Variants in CDC16 observed in about 807,000 individuals in gnomAD.
CDC16 encodes cell division cycle protein 16 homolog.
Under a neutral mutation model 87.0 loss-of-function variants are expected in CDC16, and 34 were observed. That is an observed-to-expected ratio of 0.39 (90% confidence interval 0.30 to 0.52). CDC16 has a LOEUF of 0.52. CDC16 is among the 20% of genes least tolerant of loss of function. The probability of loss-of-function intolerance (pLI) is 0.74; values close to 1 mark genes in which losing one functional copy is unlikely to be tolerated. For missense variants in CDC16, 653 were observed against 751.9 expected (o/e 0.87, Z 1.54); for synonymous variants, 263 against 260.6 (o/e 1.01, Z -0.09).
chr13:114,244,867 TA>T, intron 8 of CDC16, 22 bp from the exon 9 acceptor site: 1 of 1,555,294 alleles, frequency 6.4e-7, no homozygotes, highest in Non-Finnish European at 8.9e-7. Flanking sequence ...TTGGGGGTAG[TA>T]ATGTGTCGCT....
At position 114,257,160 on chromosome 13, in the gene CDC16, G is replaced by C. The variant is rs1374135881; in HGVS notation, c.1180G>C (p.Ala394Pro). ...SKLAERFFSQ[A>P]LSIAPEDPFV... ...ACTAGCTGAAAGGTTCTTCAGCCAA[G>C]CTCTGAGCATTGCACCGGAAGACCC... is the stretch of plus-strand genomic sequence containing the variant. The change falls in exon 13 of 18, where the codon GCT (alanine) becomes CCT (proline). Residue 394 changes from alanine (A) to proline (P), a missense_variant. By Grantham distance (27) the Ala-to-Pro change is conservative. Coordinates refer to ENST00000356221, the MANE Select transcript of CDC16 (RefSeq NM_001078645.3). 2 of 1,613,434 alleles carry C rather than the reference G, an allele frequency of 1.2e-6. No homozygotes were observed. Among genetic ancestry groups the C allele is most frequent in the South Asian group, 2.2e-5 (2 of 91,022 alleles).
chr13:114,252,099 G>A lies in CDC16; in HGVS notation c.1097+1425G>A, dbSNP rs969310873. On this transcript the variant is annotated intron_variant, in intron 12 of 17. Transcript: ENST00000356221. ...CTTACACTAGCCCTGTTGGATAAGA[G>A]CCCTACACTAGCCCTGTTGGATAAG... 4.6e-5 allele frequency among the ~76,000 whole-genome samples: 7 copies of A among 150,786 alleles called. No homozygotes were observed. The East Asian group carries it at 1.2e-3, about 26-fold the overall frequency.
At chr13:114,255,973 G>T (rs2082472258) in intron 12 of CDC16, among the ~76,000 whole-genome samples, 1 of 152,228 alleles carries the variant, frequency 6.6e-6, no homozygotes, top group South Asian at 2.1e-4. Flanking sequence ...GTTCCCTGTG[G>T]GGTGTTTGAG....
chr13:114,241,442 G>A (rs1165040162), intron 5 of CDC16, among the ~76,000 whole-genome samples: 7 of 152,210 alleles, frequency 4.6e-5, no homozygotes, highest in Non-Finnish European at 1.0e-4. Flanking sequence ...TGCTCATTAA[G>A]ATCCTTTTGA....
intron 1 of CDC16, 75 bp from the exon 2 acceptor site, chr13:114,236,567 TATA>T (rs2081260898): frequency 2.1e-5 from 25 of 1,186,150 alleles, no homozygotes; most frequent in South Asian, 3.7e-5. Flanking sequence ...TACATAGAAT[TATA>T]ATAATATTAG....
rs1383395286 is a variant in CDC16 at position 114,259,406 on chromosome 13, T to G, written c.1314+8T>G. The G allele has an allele frequency of 6.6e-7, 1 of 1,513,266 alleles. No homozygotes were observed. The highest frequency in any genetic ancestry group is 8.9e-7 in the Non-Finnish European group (1 of 1,123,946). The allele number at this position is 1,513,266 out of a possible 1,614,324, so 93.7% of individuals were successfully genotyped here. ...AAAGCAATTGGGAACGAGGTATTCT[T>G]TGTAGTACCTGTAAATATACACATA... On this transcript the variant is annotated splice_region_variant and intron_variant, in intron 14 of 17. Coordinates refer to ENST00000356221, the MANE Select transcript of CDC16 (RefSeq NM_001078645.3).
In CDC16 at chr13:114,254,825, G is replaced by T. The variant is rs536680663; in HGVS notation, c.1098-2253G>T. ...GTTCAGGCCATGATGGGAAGTGGGGGTCCAACACTCCTCTTTACGCCCTCC... is the reference window on the plus strand; with the variant it reads ...GTTCAGGCCATGATGGGAAGTGGGGTTCCAACACTCCTCTTTACGCCCTCC... On this transcript the variant is annotated intron_variant, in intron 12 of 17. Transcript: ENST00000356221. Among the ~76,000 whole-genome samples, 320 of 152,260 alleles carry T rather than the reference G, an allele frequency of 2.1e-3. 2 individuals are homozygous for T. Among genetic ancestry groups the T allele is most frequent in the African/African-American group, 7.3e-3 (305 of 41,536 alleles).
At chr13:114,253,765 T>G (rs2082336786) in intron 12 of CDC16, among the ~76,000 whole-genome samples, 1 of 152,140 alleles carries the variant, frequency 6.6e-6, no homozygotes, top group Non-Finnish European at 1.5e-5. Flanking sequence ...TATTTGAGAA[T>G]TCTGCTCTTG....
chr13:114,266,843 CCA>C (rs1164669282), intron 17 of CDC16, among the ~76,000 whole-genome samples: 1 of 151,954 alleles, frequency 6.6e-6, no homozygotes, highest in Non-Finnish European at 1.5e-5. Flanking sequence ...CTACAGGCAC[CCA>C]TCACCACGCC....
intron 3 of CDC16, among the ~76,000 whole-genome samples, chr13:114,237,687 G>A (rs1016614886): frequency 6.6e-6 from 1 of 152,096 alleles, no homozygotes; most frequent in Admixed American, 6.5e-5. Flanking sequence ...AAATTCTGAA[G>A]ACTGTTTTCT....
chr13:114,257,210 G>A lies in CDC16; in HGVS notation c.1230G>A (p.Val410=). The part of the protein sequence containing the change: ...EDPFVMHEVG[V]VAFQNGEWKT... ...CTTTTGTTATGCATGAGGTCGGCGT[G>A]GTTGCATTTCAGAATGGAGAGTAAG... Residue 410 remains valine (V), a synonymous_variant, in exon 13 of 18, where the codon GTG becomes GTA. Transcript: ENST00000356221. 6.2e-7 allele frequency: 1 copy of A among 1,609,858 alleles called. No homozygotes were observed. Among genetic ancestry groups the A allele is most frequent in the Non-Finnish European group, 8.5e-7 (1 of 1,176,928 alleles).
At chr13:114,265,276 C>A in intron 17 of CDC16, 36 bp downstream of exon 17, 1 of 1,324,360 alleles carries the variant, frequency 7.6e-7, no homozygotes, top group South Asian at 1.2e-5. Flanking sequence ...TATTGTACTC[C>A]ATTTTTTAGG....
intron 14 of CDC16, 59 bp from the exon 15 acceptor site, chr13:114,261,828 A>G: frequency 9.6e-6 from 12 of 1,245,166 alleles, no homozygotes; most frequent in Non-Finnish European, 1.4e-5. Flanking sequence ...TTCAGTGCAA[A>G]CAAATCAGGC....
intron 17 of CDC16, among the ~76,000 whole-genome samples, chr13:114,271,483 CTTTT>C (rs17291626): frequency 6.6e-6 from 1 of 150,532 alleles, no homozygotes; most frequent in Non-Finnish European, 1.5e-5. Flanking sequence ...CAGCACAGTT[CTTTT>C]TTTTTGAGAT....
chr13:114,250,822 T>G, intron 12 of CDC16, 148 bp downstream of exon 12: 1 of 828,334 alleles, frequency 1.2e-6, no homozygotes, highest in South Asian at 1.8e-5. Flanking sequence ...GATTGTAAAA[T>G]AACTATGAAA....
intron 6 of CDC16, 40 bp from the exon 7 acceptor site, chr13:114,243,217 A>G (rs756285781): frequency 1.1e-6 from 1 of 913,840 alleles, no homozygotes; most frequent in South Asian, 1.4e-5. Context: ...CCCTCTATAA[A>G]TATTATGAGG....
chr13:114,261,209 G>C (rs953537992), intron 14 of CDC16, among the ~76,000 whole-genome samples: 20 of 152,092 alleles, frequency 1.3e-4, no homozygotes, highest in Admixed American at 6.5e-5. Flanking sequence ...TCAAGGAGTG[G>C]GTCAGGAGGG....
intron 12 of CDC16, among the ~76,000 whole-genome samples, chr13:114,254,781 A>C (rs2082397561): frequency 6.6e-6 from 1 of 152,208 alleles, no homozygotes; most frequent in Admixed American, 6.5e-5. Context: ...GGGCCGTCTA[A>C]ATTTAACCTG....
At chr13:114,253,085 T>C (rs2082286622) in intron 12 of CDC16, among the ~76,000 whole-genome samples, 1 of 152,106 alleles carries the variant, frequency 6.6e-6, no homozygotes, top group East Asian at 1.9e-4. Context: ...GGGTGACCAG[T>C]TGAGATACAT....
Sources: allele counts gnomAD v4.1 joint callset (sites outside exome capture counted in the v4.1 genomes callset), GRCh38; gene constraint gnomAD v4.1.1; transcripts MANE v1.5; gene names NCBI Gene and HGNC (gene_info 2026-07-23, HGNC 2026-07-21).